CCDC186: variants seen among roughly 807,000 people sequenced by gnomAD.
The protein encoded by CCDC186 is coiled-coil domain-containing protein 186.
Under a neutral mutation model 113.7 loss-of-function variants are expected in CCDC186, and 49 were observed. That is an observed-to-expected ratio of 0.43 (90% CI 0.34 to 0.55). The LOEUF (loss-of-function observed/expected upper bound fraction) is 0.55, where lower values mean the gene tolerates loss of function less well. Ranked by LOEUF, CCDC186 falls within the 20% of genes least tolerant of loss-of-function variation. The pLI is 0.02. For synonymous variants in CCDC186, 355 were observed against 345.8 expected (o/e 1.03, Z -0.30); for missense variants, 890 against 1,011.1 (o/e 0.88, Z 1.62).
At chr10:114,150,461 T>C (rs1309368914) in intron 4 of CCDC186, among the ~76,000 whole-genome samples, 2 of 152,156 alleles carry the variant, frequency 1.3e-5, no homozygotes, top group Non-Finnish European at 2.9e-5. Flanking sequence ...AATAAACATG[T>C]GTGACTTGTA....
chr10:114,126,913 C>T (rs1324541881), intron 14 of CCDC186, among the ~76,000 whole-genome samples: 1 of 152,190 alleles, frequency 6.6e-6, no homozygotes, highest in East Asian at 1.9e-4. Context: ...GGGTTTGGAT[C>T]TCCAGCTCTA....
chr10:114,154,210 CAAA>C (rs1276405190), intron 3 of CCDC186, among the ~76,000 whole-genome samples: 12 of 81,172 alleles, frequency 1.5e-4, no homozygotes, highest in East Asian at 4.3e-4. Context: ...GACCTTGTCT[CAAA>C]AAAAAAAAAA....
chr10:114,157,483 C>T (rs2032045348), intron 3 of CCDC186, 71 bp downstream of exon 3: 2 of 1,415,328 alleles, frequency 1.4e-6, no homozygotes, highest in South Asian at 1.4e-5. Flanking sequence ...TGAGCTGCCA[C>T]AATCGGCTGC....
At chr10:114,131,766 A>G (rs561807452) in intron 11 of CCDC186, among the ~76,000 whole-genome samples, 163 bp downstream of exon 11, 10 of 152,370 alleles carry the variant, frequency 6.6e-5, no homozygotes, top group South Asian at 2.1e-4. Flanking sequence ...ATTATAAATT[A>G]TAACAGTTGA....
Position 114,124,904 on chromosome 10 carries a change from G to C in CCDC186, c.*239C>G. On this transcript the variant is annotated 3_prime_UTR_variant, in exon 16 of 16. Coordinates refer to ENST00000369287, the MANE Select transcript of CCDC186 (RefSeq NM_018017.4). ...GAATACAAGCAAATTAAGTTGTTTA[G>C]ATTCAATGACAGGCTGTCATATTGC... The C allele has an allele frequency of 2.7e-6, 1 of 370,794 alleles. No homozygotes were observed. 23.0% of individuals were successfully genotyped at this position (370,794 alleles called of 1,614,324 possible).
chr10:114,127,584 T>A lies in CCDC186; in HGVS notation c.2270A>T (p.Asp757Val). The stretch of plus-strand genomic sequence containing the variant: ...TATTCTCTCAATCAACATGGCCTTA[T>A]CTACTTGTGGAAAGTTATCCACAGC... ...SVAVDNFPQV[D>V]KAMLIERIVR... The change falls in exon 14 of 16, where the codon GAT becomes GTT. Residue 757 changes from aspartate (D) to valine (V), a missense_variant. By Grantham distance (152) the Asp-to-Val change is radical. Transcript: ENST00000369287. 4 of 1,614,106 alleles carry A rather than the reference T, an allele frequency of 2.5e-6. No homozygotes were observed. The highest frequency in any genetic ancestry group is 1.7e-6 in the Non-Finnish European group (2 of 1,179,992).
intron 1 of CCDC186, among the ~76,000 whole-genome samples, chr10:114,173,814 G>T (rs1298735273): frequency 1.3e-5 from 2 of 152,214 alleles, no homozygotes; most frequent in Admixed American, 1.3e-4. Context: ...AGAGGAAAGG[G>T]CTTGAAACCC....
At chr10:114,147,939 G>A (rs1299325962) in intron 4 of CCDC186, among the ~76,000 whole-genome samples, 1 of 151,976 alleles carries the variant, frequency 6.6e-6, no homozygotes, top group Admixed American at 6.6e-5. Context: ...GACCAGCCTG[G>A]ACAACATGGC....
In CCDC186 at chr10:114,135,044, T is replaced by G; in HGVS notation, c.1524A>C (p.Leu508=). 1 of 1,606,888 alleles carries G rather than the reference T, an allele frequency of 6.2e-7. No individual in the cohort carries two copies. Among genetic ancestry groups the G allele is most frequent in the East Asian group, 2.2e-5 (1 of 44,622 alleles). Residue 508 remains leucine, a synonymous_variant, in exon 10 of 16, where the codon CTA becomes CTC. Transcript: ENST00000369287. ...CTTCTGTTCTTAATCGTTCATCTTCTAGACATTTCACCTATCAAATGATCA... is the reference window on the plus strand; with the variant it reads ...CTTCTGTTCTTAATCGTTCATCTTCGAGACATTTCACCTATCAAATGATCA... ...LRTLRTKVKC[L]EDERLRTEDE...
rs752958385 is a variant in CCDC186, at chr10:114,132,074, A to T, written c.1766T>A (p.Leu589Gln). 6.2e-7 allele frequency: 1 copy of T among 1,613,596 alleles called. No individual in the cohort carries two copies. Among genetic ancestry groups the T allele is most frequent in the South Asian group, 1.1e-5 (1 of 91,060 alleles). Residue 589 changes from leucine (L) to glutamine (Q), a missense_variant, in exon 11 of 16, where the codon CTG becomes CAG. Coordinates refer to ENST00000369287, the MANE Select transcript of CCDC186 (RefSeq NM_018017.4). ...EGSRKRESELLLFTERLTSKN... is the reference protein window; with the variant it reads ...EGSRKRESELQLFTERLTSKN... ...ACTAGTGAGCCTTTCTGTAAACAGC[A>T]GCAGCTCAGATTCTCTTTTCCTACT...
Position 114,151,173 on chromosome 10 carries a change from T to G in CCDC186, c.807A>C (p.Arg269Ser). Residue 269 changes from arginine (R) to serine (S), a missense_variant, in exon 4 of 16, where the codon AGA becomes AGC. Transcript: ENST00000369287. ...EELNKEVKAS[R>S]DQLIAQDVTA... ...TAACGTCTTGAGCTATTAGTTGATC[T>G]CTGGAAGCTTTAACTTCTTTATTAA... 1 of 1,606,398 alleles carries G rather than the reference T, an allele frequency of 6.2e-7. No homozygotes were observed. Among genetic ancestry groups the G allele is most frequent in the Non-Finnish European group, 8.5e-7 (1 of 1,173,322 alleles).
In CCDC186 at chr10:114,162,848, AG is replaced by A; in HGVS notation, c.420del (p.Tyr141MetfsTer13). Reference protein sequence around the residue: ...SANEKTYSESPYDTDCTKKFI... With the variant: ...SANEKTYSESXYDTDCTKKFI... ...AATTTCTTGGTGCAGTCTGTATCAT[AG>A]GGGCTTTCTGAATAAGTCTTTTCAT... On this transcript the variant is annotated frameshift_variant, in exon 2 of 16. Transcript: ENST00000369287. LOFTEE classifies it high-confidence loss of function. The A allele has an allele frequency of 6.2e-7, 1 of 1,614,014 alleles. No homozygotes were observed. Among genetic ancestry groups the A allele is most frequent in the Non-Finnish European group, 8.5e-7 (1 of 1,179,940 alleles).
At position 114,167,587 on chromosome 10, in the gene CCDC186, C is replaced by T. The variant is rs1046078680; in HGVS notation, c.-61-4258G>A. On this transcript the variant is annotated intron_variant, in intron 1 of 15. Transcript: ENST00000369287. ...TATGGGGTAAAAGGGGAGCCGTCATCGAGGCTACTAAGGATAGAATGGCAA... is the reference window on the plus strand; with the variant it reads ...TATGGGGTAAAAGGGGAGCCGTCATTGAGGCTACTAAGGATAGAATGGCAA... 3.3e-5 allele frequency among the ~76,000 whole-genome samples: 5 copies of T among 151,770 alleles called. No homozygotes were observed. The East Asian group carries it at 5.8e-4, about 18-fold the overall frequency.
Position 114,163,142 on chromosome 10 carries a change from T to C in CCDC186, c.127A>G (p.Lys43Glu). Residue 43 changes from lysine to glutamate, a missense_variant, in exon 2 of 16, where the codon AAA (lysine) becomes GAA (glutamate). Transcript: ENST00000369287. ...NESSKLENESKLLSLNTDKTL... is the reference protein window; with the variant it reads ...NESSKLENESELLSLNTDKTL... ...TTATCAGTGTTTAATGACAATAGTT[T>C]GGACTCATTTTCTAATTTGCTGCTT... 1 of 1,614,106 alleles carries C rather than the reference T, an allele frequency of 6.2e-7. No individual in the cohort carries two copies. The highest frequency in any genetic ancestry group is 8.5e-7 in the Non-Finnish European group (1 of 1,179,982).
At chr10:114,153,162 G>A (rs913322087) in intron 3 of CCDC186, among the ~76,000 whole-genome samples, 2 of 152,092 alleles carry the variant, frequency 1.3e-5, no homozygotes, top group Non-Finnish European at 2.9e-5. Flanking sequence ...CAGTGTATAC[G>A]TTTTCATCTA....
chr10:114,130,041 T>G (rs893740611), intron 12 of CCDC186, 70 bp from the exon 13 acceptor site: 2 of 1,434,474 alleles, frequency 1.4e-6, no homozygotes, highest in Non-Finnish European at 1.9e-6. Flanking sequence ...TGACTTTAAT[T>G]GCTAAAATCA....
intron 14 of CCDC186, 56 bp downstream of exon 14, chr10:114,127,405 T>C: frequency 6.8e-7 from 1 of 1,481,442 alleles, no homozygotes; most frequent in Admixed American, 1.9e-5. Context: ...ACAGTAACTT[T>C]GCTATATGAG....
chr10:114,167,361 A>G (rs766841997), intron 1 of CCDC186, among the ~76,000 whole-genome samples: 3 of 152,142 alleles, frequency 2.0e-5, no homozygotes, highest in Non-Finnish European at 4.4e-5. Context: ...ACAATGGTCT[A>G]TGTGTATATA....
At chr10:114,125,527 C>T (rs1451657919) in intron 15 of CCDC186, among the ~76,000 whole-genome samples, 2 of 151,988 alleles carry the variant, frequency 1.3e-5, no homozygotes, top group Non-Finnish European at 1.5e-5. Context: ...GGCCCACCCA[C>T]AGCAAAAATA....
Sources: gnomAD v4.1 joint callset for allele counts (sites outside exome capture counted in the v4.1 genomes callset) on GRCh38, gnomAD v4.1.1 for gene constraint, MANE v1.5 for transcripts, NCBI Gene and HGNC (gene_info 2026-07-23, HGNC 2026-07-21) for gene names.